Variants in KCNH5 observed in about 807,000 individuals in gnomAD.
KCNH5 encodes the protein voltage-gated delayed rectifier potassium channel KCNH5.
Under a neutral mutation model 96.1 loss-of-function variants are expected in KCNH5, and 46 were observed. The ratio of observed to expected loss-of-function variants is 0.48; its 90% CI spans 0.38 to 0.61. The LOEUF is 0.61. KCNH5 is among the 20% of genes least tolerant of loss of function. The pLI, the probability that KCNH5 is intolerant of heterozygous loss-of-function variation, is 0.00. For synonymous variants in KCNH5, 439 were observed against 449.8 expected, an observed-to-expected ratio of 0.98 and a Z score of 0.30; for missense variants, 907 against 1,225.8, an observed-to-expected ratio of 0.74 and a Z score of 3.88.
intron 10 of KCNH5, among the ~76,000 whole-genome samples, chr14:62,733,897 T>G (rs1487144193): frequency 1.3e-5 from 2 of 152,182 alleles, no homozygotes; most frequent in South Asian, 2.1e-4. Context: ...TAACATTACG[T>G]TCTTTTCCCA....
At chr14:62,810,504 T>C (rs1886851537) in intron 8 of KCNH5, among the ~76,000 whole-genome samples, 1 of 151,880 alleles carries the variant, frequency 6.6e-6, no homozygotes, top group South Asian at 2.1e-4. Flanking sequence ...AGATAAGAGG[T>C]TGGCACAAGA....
Position 63,038,852 on chromosome 14 carries a change from A to G in KCNH5, c.73+6262T>C, listed in dbSNP as rs563934340. Among the ~76,000 whole-genome samples the G allele has an allele frequency of 5.9e-5, 9 of 152,214 alleles. No individual in the cohort carries two copies. The South Asian group carries it at 1.9e-3, about 32-fold the overall frequency. ...TCTTTTTAATTATCTTTAAATGATG[A>G]AAAGGACTCATGTCATGTATTATAA... On this transcript the variant is annotated intron_variant, in intron 1 of 10. Transcript: ENST00000322893.
chr14:63,025,238 C>T (rs1463567848), intron 1 of KCNH5, among the ~76,000 whole-genome samples: 1 of 151,896 alleles, frequency 6.6e-6, no homozygotes, highest in African/African-American at 2.4e-5. Context: ...TGTACCTCAA[C>T]ACAATAAAGG....
chr14:62,776,844 A>G (rs1886108003), intron 10 of KCNH5, among the ~76,000 whole-genome samples: 1 of 152,162 alleles, frequency 6.6e-6, no homozygotes, highest in South Asian at 2.1e-4. Context: ...CAGCTAAAGA[A>G]GGCTCACTTT....
At chr14:62,887,297 T>C (rs550927681) in intron 7 of KCNH5, among the ~76,000 whole-genome samples, 12 of 152,308 alleles carry the variant, frequency 7.9e-5, no homozygotes, top group Admixed American at 1.3e-4. Context: ...AGGAGCAGAA[T>C]TGCATTAGTT....
chr14:62,752,668 C>T (rs979129291), intron 10 of KCNH5, among the ~76,000 whole-genome samples: 11 of 152,024 alleles, frequency 7.2e-5, no homozygotes, highest in African/African-American at 2.7e-4. Context: ...ATTGTAAACC[C>T]CAAGTGTCAA....
chr14:62,825,713 TTC>T (rs1887209357), intron 8 of KCNH5, among the ~76,000 whole-genome samples: 1 of 152,084 alleles, frequency 6.6e-6, no homozygotes, highest in African/African-American at 2.4e-5. Context: ...AGGTTTCTCT[TTC>T]TTTCTTCATT....
chr14:62,847,601 A>G (rs1216843830), intron 8 of KCNH5, among the ~76,000 whole-genome samples: 1 of 152,210 alleles, frequency 6.6e-6, no homozygotes, highest in African/African-American at 2.4e-5. Context: ...TCCTCACTCA[A>G]TTAAAAGCTA....
At chr14:63,032,964 G>C (rs939876991) in intron 1 of KCNH5, among the ~76,000 whole-genome samples, 1 of 151,976 alleles carries the variant, frequency 6.6e-6, no homozygotes, top group African/African-American at 2.4e-5. Context: ...CCAAAACCTT[G>C]GGAGTCATCC....
intron 8 of KCNH5, among the ~76,000 whole-genome samples, chr14:62,848,514 A>G (rs1179049940): frequency 6.6e-6 from 1 of 152,098 alleles, no homozygotes; most frequent in Non-Finnish European, 1.5e-5. Flanking sequence ...GCTGCCCCCA[A>G]GTATCTCACC....
At chr14:62,939,949 A>C (rs1039057520) in intron 7 of KCNH5, among the ~76,000 whole-genome samples, 2 of 152,236 alleles carry the variant, frequency 1.3e-5, no homozygotes, top group Admixed American at 6.5e-5. Flanking sequence ...TCAAAAAAAA[A>C]ATTTTTTCAG....
chr14:62,912,793 A>G (rs1241414303), intron 7 of KCNH5, among the ~76,000 whole-genome samples: 3 of 152,210 alleles, frequency 2.0e-5, no homozygotes, highest in Non-Finnish European at 2.9e-5. Context: ...TAGTTTTCAT[A>G]AGCCACTTTA....
chr14:62,922,264 A>C (rs979022555), intron 7 of KCNH5, among the ~76,000 whole-genome samples: 1 of 152,086 alleles, frequency 6.6e-6, no homozygotes, highest in Non-Finnish European at 1.5e-5. Flanking sequence ...CTACATCTAC[A>C]TCTTTATCTG....
intron 7 of KCNH5, among the ~76,000 whole-genome samples, chr14:62,861,988 G>C (rs1888044742): frequency 6.6e-6 from 1 of 152,074 alleles, no homozygotes; most frequent in South Asian, 2.1e-4. Context: ...AATTTCTTTT[G>C]TTTATGGCTC....
At chr14:63,016,061 GA>G (rs56902534) in intron 2 of KCNH5, among the ~76,000 whole-genome samples, 2,211 of 140,982 alleles carry the variant, frequency 0.016, 43 homozygotes, top group African/African-American at 0.04. Flanking sequence ...ATTTGGCCTA[GA>G]AAAAAAAAAA....
chr14:63,044,450 T>A (rs573318919), intron 1 of KCNH5, among the ~76,000 whole-genome samples: 1 of 152,344 alleles, frequency 6.6e-6, no homozygotes, highest in Non-Finnish European at 1.5e-5. Flanking sequence ...ACTGCTTCAC[T>A]TCTACGTTTC....
At chr14:62,972,012 C>A (rs370070402) in intron 6 of KCNH5, among the ~76,000 whole-genome samples, 3 of 152,056 alleles carry the variant, frequency 2.0e-5, no homozygotes, top group Admixed American at 6.6e-5. Context: ...AGCTGGACTT[C>A]ATTAAAATGT....
intron 9 of KCNH5, among the ~76,000 whole-genome samples, chr14:62,800,306 G>T (rs111637813): frequency 3.3e-5 from 5 of 152,272 alleles, no homozygotes; most frequent in African/African-American, 1.2e-4. Context: ...ATGATGAGAT[G>T]GGTGCAATAC....
rs199959510 is a variant in KCNH5 at position 62,782,071 on chromosome 14, C to T, written c.1823-2147G>A. ...CTGCCATGGCTTCAGCCGGTCCCTC[C>T]GTTTGGGGTCCCTGACTTCCCGCAA... On this transcript the variant is annotated intron_variant, in intron 9 of 10. Coordinates refer to ENST00000322893, the MANE Select transcript of KCNH5 (RefSeq NM_139318.5). Among the ~76,000 whole-genome samples the T allele has an allele frequency of 1.8e-4, 28 of 152,282 alleles. No individual in the cohort carries two copies. The East Asian group carries it at 5.0e-3, about 27-fold the overall frequency.
Sources: allele counts gnomAD v4.1 joint callset (sites outside exome capture counted in the v4.1 genomes callset), GRCh38; gene constraint gnomAD v4.1.1; transcripts MANE v1.5; gene names NCBI Gene and HGNC (gene_info 2026-07-23, HGNC 2026-07-21).